The following STPG2 variants were observed in gnomAD, a reference collection of about 807,000 sequenced individuals.
STPG2 encodes sperm-tail PG-rich repeat-containing protein 2.
Under a neutral mutation model 54.2 loss-of-function variants are expected in STPG2, and 56 were observed. That is an observed-to-expected ratio of 1.03 (90% CI 0.83 to 1.29). The LOEUF is 1.29. STPG2 is among the 50% of genes most tolerant of loss of function. STPG2 has a pLI of 0.00. For missense variants in STPG2, 596 were observed against 544.9 expected, an observed-to-expected ratio of 1.09 and a Z score of -0.93; for synonymous variants, 200 against 181.8, an observed-to-expected ratio of 1.10 and a Z score of -0.81.
intron 9 of STPG2, among the ~76,000 whole-genome samples, chr4:97,824,999 C>A (rs966263070): frequency 6.6e-6 from 1 of 151,928 alleles, no homozygotes; most frequent in Non-Finnish European, 1.5e-5. Flanking sequence ...GGCTGTTTGG[C>A]CTGGCTAAAA....
chr4:97,870,862 C>T (rs1729958137), intron 8 of STPG2, among the ~76,000 whole-genome samples: 1 of 151,082 alleles, frequency 6.6e-6, no homozygotes, highest in Non-Finnish European at 1.5e-5. Context: ...TAAAATACAA[C>T]TTCTCAAACA....
chr4:97,707,264 C>T (rs1723975373), intron 10 of STPG2, among the ~76,000 whole-genome samples: 1 of 152,094 alleles, frequency 6.6e-6, no homozygotes, highest in Admixed American at 6.6e-5. Context: ...GGCTTAACGC[C>T]TATAATCTCA....
chr4:97,737,008 C>A (rs564561302), intron 9 of STPG2, among the ~76,000 whole-genome samples: 20 of 152,280 alleles, frequency 1.3e-4, no homozygotes, highest in African/African-American at 4.8e-4. Flanking sequence ...TCCTCTGAGA[C>A]AAAACTTCCA....
At chr4:97,511,369 T>G (rs894169622) in intron 4 of STPG2, among the ~76,000 whole-genome samples, 1 of 151,966 alleles carries the variant, frequency 6.6e-6, no homozygotes, top group Non-Finnish European at 1.5e-5. Flanking sequence ...AAAAGCAAGA[T>G]AATTCATAAG....
intron 5 of STPG2, among the ~76,000 whole-genome samples, chr4:98,024,202 T>G (rs1241497330): frequency 6.6e-6 from 1 of 152,166 alleles, no homozygotes; most frequent in Non-Finnish European, 1.5e-5. Flanking sequence ...CTTTATAAAT[T>G]ACCTAGTTTC....
intron 8 of STPG2, among the ~76,000 whole-genome samples, chr4:97,891,437 T>C (rs544368375): frequency 1.3e-5 from 2 of 152,090 alleles, no homozygotes; most frequent in Non-Finnish European, 2.9e-5. Flanking sequence ...TTTCATATAT[T>C]CTCCTGAGTG....
intron 10 of STPG2, among the ~76,000 whole-genome samples, chr4:97,596,373 C>A (rs1356007196): frequency 1.3e-5 from 2 of 151,982 alleles, no homozygotes; most frequent in Non-Finnish European, 2.9e-5. Flanking sequence ...TAAAAATATA[C>A]AAAGACATTT....
chr4:97,452,993 C>T (rs749228566), intron 4 of STPG2, among the ~76,000 whole-genome samples: 5 of 152,192 alleles, frequency 3.3e-5, no homozygotes, highest in Non-Finnish European at 5.9e-5. Context: ...AACTCAGAAC[C>T]CACCGAATGG....
intron 10 of STPG2, among the ~76,000 whole-genome samples, chr4:97,597,755 T>C (rs1403775508): frequency 6.6e-6 from 1 of 152,134 alleles, no homozygotes; most frequent in African/African-American, 2.4e-5. Context: ...GAGCCATCTA[T>C]GACAAACCCA....
intron 9 of STPG2, among the ~76,000 whole-genome samples, chr4:97,784,337 G>A (rs970127912): frequency 5.3e-5 from 8 of 151,928 alleles, no homozygotes; most frequent in Admixed American, 4.6e-4. Context: ...AAGACTATTT[G>A]TTACTTTTTC....
intron 10 of STPG2, among the ~76,000 whole-genome samples, chr4:97,660,481 G>A (rs1722348384): frequency 6.6e-6 from 1 of 152,216 alleles, no homozygotes; most frequent in African/African-American, 2.4e-5. Flanking sequence ...AAGAGGAAAT[G>A]TGATACATTT....
At chr4:97,516,971 G>A (rs867849269) in intron 4 of STPG2, among the ~76,000 whole-genome samples, 2 of 151,684 alleles carry the variant, frequency 1.3e-5, no homozygotes, top group African/African-American at 2.4e-5. Context: ...GCAGTGGGGC[G>A]ATCTCTGCTC....
chr4:98,066,074 GAA>G (rs1737825429), intron 5 of STPG2, among the ~76,000 whole-genome samples: 1 of 149,610 alleles, frequency 6.7e-6, no homozygotes, highest in Non-Finnish European at 1.5e-5. Context: ...AAGGCTGAGA[GAA>G]GTTTGTTTCA....
intron 5 of STPG2, among the ~76,000 whole-genome samples, chr4:98,003,388 C>T (rs1211769205): frequency 1.3e-5 from 2 of 151,796 alleles, no homozygotes; most frequent in Non-Finnish European, 2.9e-5. Context: ...CTAAATAATA[C>T]ATCATCAGTT....
chr4:97,637,044 G>C (rs1380704034), intron 10 of STPG2, among the ~76,000 whole-genome samples: 3 of 152,150 alleles, frequency 2.0e-5, no homozygotes, highest in Non-Finnish European at 2.9e-5. Context: ...AACCAAAAAA[G>C]AGAATTTTAG....
At chr4:97,580,519 CCTCTCTGT>C (rs1164005709) in intron 10 of STPG2, among the ~76,000 whole-genome samples, 2 of 151,146 alleles carry the variant, frequency 1.3e-5, no homozygotes, top group Non-Finnish European at 3.0e-5. Flanking sequence ...AACATTTCAC[CCTCTCTGT>C]CTCTCTGTCT....
At chr4:97,972,097 T>G (rs949613175) in intron 7 of STPG2, among the ~76,000 whole-genome samples, 183 bp downstream of exon 7, 5 of 152,244 alleles carry the variant, frequency 3.3e-5, no homozygotes, top group Non-Finnish European at 2.9e-5. Flanking sequence ...TTGTGTTTTT[T>G]ATTTCTGCCA....
chr4:97,894,776 C>G (rs1730897725), intron 8 of STPG2, among the ~76,000 whole-genome samples: 1 of 151,872 alleles, frequency 6.6e-6, no homozygotes, highest in African/African-American at 2.4e-5. Context: ...TGCTGGTATC[C>G]TAATTCAGAG....
At chr4:98,048,587 C>T (rs564703238) in intron 5 of STPG2, 5 of 178,600 alleles carry the variant, frequency 2.8e-5, no homozygotes, top group Non-Finnish European at 6.0e-5. Flanking sequence ...CTGCCATTTC[C>T]CTCAAGAAGC....
Sources: allele counts gnomAD v4.1 joint callset (sites outside exome capture counted in the v4.1 genomes callset), GRCh38; gene constraint gnomAD v4.1.1; transcripts MANE v1.5; gene names NCBI Gene and HGNC (gene_info 2026-07-23, HGNC 2026-07-21).